Variants in VEGFA observed in about 807,000 individuals in gnomAD.
VEGFA encodes vascular endothelial growth factor A, long form.
A neutral mutation model predicts 49.7 loss-of-function variants in VEGFA; 20 were observed. The observed-to-expected ratio is 0.40, with a 90% CI of 0.28 to 0.58. The LOEUF is 0.58. Among genes scored for constraint, VEGFA ranks in the 20% least tolerant of loss-of-function variants. The pLI, the probability that VEGFA is intolerant of heterozygous loss-of-function variation, is 0.40. For synonymous variants in VEGFA, 219 were observed against 223.4 expected, an observed-to-expected ratio of 0.98 and a Z score of 0.18; for missense variants, 505 against 553.5, an observed-to-expected ratio of 0.91 and a Z score of 0.88.
At chr6:43,779,038 G>C in intron 5 of VEGFA, 120 bp downstream of exon 5, 1 of 1,353,884 alleles carries the variant, frequency 7.4e-7, no homozygotes, top group South Asian at 1.2e-5. Context: ...TTGGTCTTGT[G>C]GGGGACTTGT....
chr6:43,781,058 C>T (rs3025018), intron 6 of VEGFA: 99,153 of 848,584 alleles, frequency 0.12, 6,284 homozygotes, highest in East Asian at 0.21. Flanking sequence ...GGGAGGGGAC[C>T]CTGGCTTGGC....
At position 43,770,892 on chromosome 6, in the gene VEGFA, T is replaced by C; in HGVS notation, c.186T>C (p.Ser62=). The C allele has an allele frequency of 2.6e-6, 4 of 1,544,642 alleles. No individual in the cohort carries two copies. The highest frequency in any genetic ancestry group is 3.5e-6 in the Non-Finnish European group (4 of 1,145,472). The stretch of plus-strand genomic sequence containing the variant: ...TTTTCGTCCAACTTCTGGGCTGTTC[T>C]CGCTTCGGAGGAGCCGTGGTCCGCG... Residue 62 remains serine (S), a synonymous_variant, in exon 1 of 8, where the codon TCT becomes TCC. Coordinates refer to ENST00000672860, the MANE Select transcript of VEGFA (RefSeq NM_003376.6).
At chr6:43,772,523 A>T (rs1763965131) in intron 1 of VEGFA, among the ~76,000 whole-genome samples, 1 of 152,124 alleles carries the variant, frequency 6.6e-6, no homozygotes, top group Non-Finnish European at 1.5e-5. Flanking sequence ...AATGGCTTGA[A>T]ATTTGCTGTG....
rs774652506 is a variant in VEGFA, at chr6:43,779,658, C to A, written c.962+740C>A. On this transcript the variant is annotated intron_variant, in intron 5 of 7. Transcript: ENST00000672860. ...CCAGTGCTGTGCGGACATTGAAGCC[C>A]CCACCAGGCCTCAACCCCTTGCCTC... 6.5e-6 allele frequency: 3 copies of A among 464,746 alleles called. No individual in the cohort carries two copies. The East Asian group carries it at 2.0e-4, about 31-fold the overall frequency. 28.8% of individuals were successfully genotyped at this position (464,746 alleles called of 1,614,324 possible). A position where few individuals can be genotyped will look rare whatever the true frequency, so the allele number is the denominator to read the frequency against.
chr6:43,774,913 A>T (rs1210240728), intron 2 of VEGFA: 4 of 166,100 alleles, frequency 2.4e-5, no homozygotes, highest in Admixed American at 1.7e-4. Context: ...GGTGCTGTGA[A>T]CTTCCCTCCC....
intron 6 of VEGFA, 113 bp downstream of exon 6, chr6:43,780,916 C>T (rs944826202): frequency 1.2e-6 from 2 of 1,610,950 alleles, no homozygotes; most frequent in East Asian, 2.2e-5. Flanking sequence ...TTCCCTGGCT[C>T]TCATCCTCCT....
Position 43,777,318 on chromosome 6 carries a change from C to G in VEGFA, c.659-151C>G. ...TGGTGGAAAGCTTAGGGAAGTGCTTCAAACACAGTAGGAGGGACTTACGTT... is the reference window on the plus strand; with the variant it reads ...TGGTGGAAAGCTTAGGGAAGTGCTTGAAACACAGTAGGAGGGACTTACGTT... On this transcript the variant is annotated intron_variant, in intron 2 of 7. Transcript: ENST00000672860. This position sits in a 1 kb window ranked among gnomAD's most constrained non-coding sequence, Gnocchi z 4.3. 6.0e-6 allele frequency: 5 copies of G among 829,096 alleles called. No individual in the cohort carries two copies. Among genetic ancestry groups the G allele is most frequent in the Non-Finnish European group, 9.9e-6 (5 of 503,126 alleles). The allele number at this position is 829,096 out of a possible 1,614,324, so 51.4% of individuals were successfully genotyped here.
Position 43,777,455 on chromosome 6 carries a change from C to T in VEGFA, c.659-14C>T, listed in dbSNP as rs773401538. On this transcript the variant is annotated splice_polypyrimidine_tract_variant and intron_variant, in intron 2 of 7. Transcript: ENST00000672860. This position sits in a 1 kb window ranked among gnomAD's most constrained non-coding sequence, Gnocchi z 4.3. ...GTCGCCCACCGGGCTCATGTGTCAT[C>T]GCCTCTCATGCAGTGGTGAAGTTCA... 84 of 1,613,470 alleles carry T rather than the reference C, an allele frequency of 5.2e-5. No homozygotes were observed. The highest frequency in any genetic ancestry group is 6.8e-5 in the Non-Finnish European group (80 of 1,180,030).
At chr6:43,781,050 G>C in intron 6 of VEGFA, 1 of 926,016 alleles carries the variant, frequency 1.1e-6, no homozygotes, top group South Asian at 1.6e-5. Context: ...AGGATTAAGG[G>C]AGGGGACCCT....
intron 5 of VEGFA, 146 bp downstream of exon 5, chr6:43,779,064 GGGAT>G: frequency 9.8e-7 from 1 of 1,022,650 alleles, no homozygotes; most frequent in Non-Finnish European, 1.5e-6. Flanking sequence ...CAGCAACAAT[GGGAT>G]GGAGCCAACT....
intron 7 of VEGFA, chr6:43,784,335 A>C: frequency 1.6e-6 from 1 of 629,482 alleles, no homozygotes; most frequent in Non-Finnish European, 2.8e-6. Flanking sequence ...GCTGCTGCTC[A>C]GGCCGGGGCT....
At chr6:43,780,357 G>T (rs1767068246) in intron 5 of VEGFA, 1 of 364,288 alleles carries the variant, frequency 2.7e-6, no homozygotes, top group Non-Finnish European at 5.3e-6. Flanking sequence ...GGACAGGGCT[G>T]CTGGGCAAAG....
Position 43,780,817 on chromosome 6 carries a change from C to T in VEGFA, c.1034+14C>T, listed in dbSNP as rs771953814. 2.0e-5 allele frequency: 32 copies of T among 1,613,830 alleles called. No individual in the cohort carries two copies. The highest frequency in any genetic ancestry group is 6.7e-5 in the African/African-American group (5 of 74,858). On this transcript the variant is annotated intron_variant, in intron 6 of 7. Transcript: ENST00000672860. The stretch of plus-strand genomic sequence containing the variant: ...GTCCTGGAGCGTGTACGTTGGTGCC[C>T]GCTGCTGTCTAATGCCCTGGAGCCT...
chr6:43,778,375 T>C, intron 3 of VEGFA, 85 bp from the exon 4 acceptor site: 3 of 1,184,496 alleles, frequency 2.5e-6, no homozygotes. Context: ...CCCTGGGTGC[T>C]GAGTGGCAGG....
chr6:43,772,068 C>A lies in VEGFA; in HGVS notation c.606+756C>A, dbSNP rs887954133. 2.0e-5 allele frequency: 20 copies of A among 985,580 alleles called. No individual in the cohort carries two copies. The East Asian group carries it at 5.7e-4, about 28-fold the overall frequency. 61.1% of individuals were successfully genotyped at this position (985,580 alleles called of 1,614,324 possible). A position where few individuals can be genotyped will look rare whatever the true frequency, so the allele number is the denominator to read the frequency against. On this transcript the variant is annotated intron_variant, in intron 1 of 7. Coordinates refer to ENST00000672860, the MANE Select transcript of VEGFA (RefSeq NM_003376.6). The stretch of plus-strand genomic sequence containing the variant: ...AGAGTGGCGAGCGGCACCCCTCCCC[C>A]CGCCAGCCCTCCGCGGGAAGGTGAC...
chr6:43,770,983 G>C lies in VEGFA; in HGVS notation c.277G>C (p.Glu93Gln). ...CTCGGGCCGGGAGGAGCCGCAGCCG[G>C]AGGAGGGGGAGGAGGAAGAAGAGAA... Residue 93 changes from glutamate (E) to glutamine (Q), a missense_variant, in exon 1 of 8, where the codon GAG becomes CAG. Transcript: ENST00000672860. The C allele has an allele frequency of 6.5e-7, 1 of 1,542,742 alleles. No individual in the cohort carries two copies. Among genetic ancestry groups the C allele is most frequent in the Non-Finnish European group, 8.7e-7 (1 of 1,144,694 alleles).
At chr6:43,778,394 G>C in intron 3 of VEGFA, 66 bp from the exon 4 acceptor site, 2 of 1,423,198 alleles carry the variant, frequency 1.4e-6, no homozygotes, top group East Asian at 2.3e-5. Context: ...GGAGCCCCAG[G>C]GTTGTCCCAT....
At chr6:43,781,536 C>T (rs1767750233) in intron 6 of VEGFA, 2 of 312,968 alleles carry the variant, frequency 6.4e-6, no homozygotes, top group African/African-American at 2.2e-5. Context: ...TTTAGCCCAC[C>T]TTGGTGGAAG....
chr6:43,781,712 C>T (rs1767826385), intron 6 of VEGFA: 6 of 492,000 alleles, frequency 1.2e-5, no homozygotes, highest in Middle Eastern at 1.2e-3. Context: ...ATGGCAGCCT[C>T]TCCCTGCACT....
Sources: gnomAD v4.1 joint callset for allele counts (sites outside exome capture counted in the v4.1 genomes callset) on GRCh38, gnomAD v4.1.1 for gene constraint, Gnocchi (gnomAD v3.1) non-coding constraint, MANE v1.5 for transcripts, NCBI Gene and HGNC (gene_info 2026-07-23, HGNC 2026-07-21) for gene names.